The following EIF4B variants were observed in gnomAD, a reference collection of about 807,000 sequenced individuals.
EIF4B encodes the protein eukaryotic translation initiation factor 4B.
In EIF4B, 8 loss-of-function variants were observed where a neutral mutation model predicts 79.3. That is an observed-to-expected ratio of 0.10 (90% CI 0.06 to 0.18). The LOEUF is 0.18. Among genes scored for constraint, EIF4B ranks in the 10% least tolerant of loss-of-function variants. EIF4B has a pLI of 1.00. For synonymous variants in EIF4B, 238 were observed against 274.7 expected, an observed-to-expected ratio of 0.87 and a Z score of 1.32; for missense variants, 515 against 792.4, an observed-to-expected ratio of 0.65 and a Z score of 4.20.
Position 53,026,219 on chromosome 12 carries a change from T to TA in EIF4B, c.668-1561dup, listed in dbSNP as rs1475617415. 3.3e-5 allele frequency among the ~76,000 whole-genome samples: 5 copies of TA among 152,322 alleles called. No homozygotes were observed. In the East Asian group the frequency reaches 7.7e-4, roughly 23 times the overall value. ...TATTTAGAAATTCAGATTTTTTTTT[T>TA]AACTTTAAAATCTGGGTTGCCAGCT... On this transcript the variant is annotated intron_variant, in intron 6 of 14. Coordinates refer to ENST00000262056, the MANE Select transcript of EIF4B (RefSeq NM_001417.7).
chr12:53,024,157 TTACA>T (rs1209315504), intron 6 of EIF4B, among the ~76,000 whole-genome samples: 1 of 152,140 alleles, frequency 6.6e-6, no homozygotes, highest in African/African-American at 2.4e-5. Flanking sequence ...TAGAGATTAA[TTACA>T]TACATCACTT....
Position 53,039,333 on chromosome 12 carries a change from G to C in EIF4B, c.1672G>C (p.Glu558Gln). ...GDGGNRDHWK[E>Q]SDRKDGKKDQ... ...CGGAGGGAACAGAGACCACTGGAAG[G>C]AGTCAGATAGGTATGCTTGTTCTCT... Residue 558 changes from glutamate to glutamine, a missense_variant, in exon 13 of 15, where the codon GAG becomes CAG. By Grantham distance (29) the Glu-to-Gln change is conservative. Transcript: ENST00000262056. 3.8e-6 allele frequency: 6 copies of C among 1,599,922 alleles called. No individual in the cohort carries two copies. Among genetic ancestry groups the C allele is most frequent in the Non-Finnish European group, 5.1e-6 (6 of 1,170,134 alleles).
At chr12:53,007,405 A>G (rs1359178194) in intron 1 of EIF4B, among the ~76,000 whole-genome samples, 1 of 144,656 alleles carries the variant, frequency 6.9e-6, no homozygotes, top group Non-Finnish European at 1.5e-5. Context: ...GATAGCTCCA[A>G]TGGTAGATTT....
At chr12:53,036,746 A>T (rs561667094) in intron 10 of EIF4B, among the ~76,000 whole-genome samples, 8 of 151,028 alleles carry the variant, frequency 5.3e-5, no homozygotes, top group African/African-American at 1.9e-4. Context: ...TTGTTTTTTG[A>T]GATGGAGTCT....
At chr12:53,019,077 G>T in intron 3 of EIF4B, 71 bp downstream of exon 3, 1 of 1,521,924 alleles carries the variant, frequency 6.6e-7, no homozygotes, top group Non-Finnish European at 9.0e-7. Context: ...TTGTGGAATG[G>T]GCAGTTGCTG....
chr12:53,025,251 A>C (rs1043677224), intron 6 of EIF4B: 4 of 455,780 alleles, frequency 8.8e-6, no homozygotes, highest in African/African-American at 8.0e-5. Context: ...TGAAAGAAAA[A>C]GCAGACAATC....
At chr12:53,027,700 C>A in intron 6 of EIF4B, 82 bp from the exon 7 acceptor site, 1 of 1,470,432 alleles carries the variant, frequency 6.8e-7, no homozygotes, top group Non-Finnish European at 9.1e-7. Flanking sequence ...ACAGATTCTT[C>A]CAAATTGGAC....
chr12:53,020,149 G>T, intron 4 of EIF4B, 123 bp downstream of exon 4: 1 of 736,548 alleles, frequency 1.4e-6, no homozygotes, highest in Non-Finnish European at 2.2e-6. Context: ...ACAAATAAAG[G>T]CCTGCATTAT....
At chr12:53,029,424 G>T (rs1430253120) in intron 8 of EIF4B, among the ~76,000 whole-genome samples, 1 of 145,200 alleles carries the variant, frequency 6.9e-6, no homozygotes, top group African/African-American at 2.5e-5. Context: ...TTGCCAGGCT[G>T]GAGTGCAGTG....
chr12:53,033,122 C>T (rs1592226358), intron 8 of EIF4B, among the ~76,000 whole-genome samples: 1 of 151,966 alleles, frequency 6.6e-6, no homozygotes, highest in African/African-American at 2.4e-5. Flanking sequence ...CAGGTTCAAG[C>T]GATTCTCCTG....
At chr12:53,029,026 T>C (rs1943388442) in intron 8 of EIF4B, among the ~76,000 whole-genome samples, 2 of 151,532 alleles carry the variant, frequency 1.3e-5, no homozygotes, top group Admixed American at 1.3e-4. Flanking sequence ...CTCGGGTGGC[T>C]GAGGCAGGAG....
At chr12:53,025,461 T>C (rs1943318078) in intron 6 of EIF4B, 1 of 313,948 alleles carries the variant, frequency 3.2e-6, no homozygotes. Flanking sequence ...CGAGGGGTGT[T>C]GGGGGGTATT....
At chr12:53,019,844 C>T (rs1240849001) in intron 3 of EIF4B, 66 bp from the exon 4 acceptor site, 1 of 1,483,924 alleles carries the variant, frequency 6.7e-7, no homozygotes. Context: ...CTTTTGTAGT[C>T]CTCTCAAAAA....
chr12:53,022,473 T>C lies in EIF4B; in HGVS notation c.533-20T>C. ...GTTTTTATGAGATAACTTACGGTTT[T>C]TGTTTTAATGTATCTGTAGACAGGG... On this transcript the variant is annotated intron_variant, in intron 5 of 14. Coordinates refer to ENST00000262056, the MANE Select transcript of EIF4B (RefSeq NM_001417.7). 6.2e-7 allele frequency: 1 copy of C among 1,608,074 alleles called. No homozygotes were observed. The highest frequency in any genetic ancestry group is 8.5e-7 in the Non-Finnish European group (1 of 1,177,576).
At chr12:53,011,827 AT>A (rs1242569456) in intron 1 of EIF4B, among the ~76,000 whole-genome samples, 1 of 152,198 alleles carries the variant, frequency 6.6e-6, no homozygotes, top group African/African-American at 2.4e-5. Context: ...ACTGTAGACC[AT>A]GTATAAATAA....
chr12:53,022,038 C>CA, intron 5 of EIF4B, 178 bp downstream of exon 5: 1 of 708,232 alleles, frequency 1.4e-6, no homozygotes, highest in Non-Finnish European at 2.4e-6. Context: ...TTGTAGTTGT[C>CA]ACAATTGGAG....
chr12:53,016,684 A>C, intron 2 of EIF4B, 74 bp downstream of exon 2: 1 of 1,489,070 alleles, frequency 6.7e-7, no homozygotes, highest in East Asian at 2.3e-5. Flanking sequence ...AATAATTCAC[A>C]TCGTTTGTAA....
intron 1 of EIF4B, among the ~76,000 whole-genome samples, chr12:53,010,801 G>A (rs1054438164): frequency 4.6e-5 from 7 of 151,972 alleles, no homozygotes; most frequent in Admixed American, 1.3e-4. Flanking sequence ...TCGAGCTCCC[G>A]ACCTCAGGTG....
chr12:53,023,364 C>T (rs1255739400), intron 6 of EIF4B, among the ~76,000 whole-genome samples: 2 of 152,042 alleles, frequency 1.3e-5, no homozygotes, highest in African/African-American at 4.8e-5. Flanking sequence ...TCCCAAGTAG[C>T]TGGGACTACA....
Sources: allele counts gnomAD v4.1 joint callset (sites outside exome capture counted in the v4.1 genomes callset), GRCh38; gene constraint gnomAD v4.1.1; transcripts MANE v1.5; gene names NCBI Gene and HGNC (gene_info 2026-07-23, HGNC 2026-07-21).